Variants in CMTM8 observed in about 807,000 individuals in gnomAD.
The protein encoded by CMTM8 is CKLF-like MARVEL transmembrane domain-containing protein 8.
Under a neutral mutation model 18.6 loss-of-function variants are expected in CMTM8, and 12 were observed. That is an observed-to-expected ratio of 0.65 (90% CI 0.41 to 1.05). CMTM8 has a LOEUF of 1.05. Among genes scored for constraint, CMTM8 ranks in the 50% least tolerant of loss-of-function variants. CMTM8 has a pLI of 0.00. For missense variants in CMTM8, 217 were observed against 227.2 expected (o/e 0.95, Z 0.29); for synonymous variants, 87 against 90.6 (o/e 0.96, Z 0.23).
chr3:32,317,954 C>T (rs1695961886), intron 1 of CMTM8, among the ~76,000 whole-genome samples: 1 of 149,742 alleles, frequency 6.7e-6, no homozygotes, highest in Non-Finnish European at 1.5e-5. Context: ...ACTTGGGAGG[C>T]TGGGTCAGGA....
chr3:32,244,424 A>G (rs879755010), intron 1 of CMTM8, among the ~76,000 whole-genome samples: 2 of 152,064 alleles, frequency 1.3e-5, no homozygotes, highest in Non-Finnish European at 2.9e-5. Flanking sequence ...GGCCTCAAGC[A>G]GTTCTCCTCC....
At chr3:32,324,615 G>T (rs1476786812) in intron 1 of CMTM8, among the ~76,000 whole-genome samples, 1 of 152,174 alleles carries the variant, frequency 6.6e-6, no homozygotes, top group African/African-American at 2.4e-5. Context: ...AATTATTACT[G>T]TTAAACTTGT....
chr3:32,328,225 A>C (rs990165121), intron 1 of CMTM8, among the ~76,000 whole-genome samples: 1 of 151,964 alleles, frequency 6.6e-6, no homozygotes, highest in African/African-American at 2.4e-5. Context: ...AAAATACAAA[A>C]AATTAGCCAG....
chr3:32,291,727 C>G (rs1702782035), intron 1 of CMTM8, among the ~76,000 whole-genome samples: 1 of 152,160 alleles, frequency 6.6e-6, no homozygotes, highest in South Asian at 2.1e-4. Context: ...TTTGAATTGC[C>G]TTTTTCCCAC....
intron 1 of CMTM8, among the ~76,000 whole-genome samples, chr3:32,274,231 G>A (rs576510599): frequency 6.6e-6 from 1 of 151,744 alleles, no homozygotes; most frequent in South Asian, 2.1e-4. Flanking sequence ...GATTGCTTGA[G>A]CCCAGGAGGT....
intron 1 of CMTM8, among the ~76,000 whole-genome samples, chr3:32,310,592 C>T (rs1325564224): frequency 6.6e-6 from 1 of 152,176 alleles, no homozygotes; most frequent in African/African-American, 2.4e-5. Flanking sequence ...CTCAACACAG[C>T]AATCGTGTGT....
At chr3:32,351,950 G>A (rs1559387291) in intron 1 of CMTM8, among the ~76,000 whole-genome samples, 1 of 152,028 alleles carries the variant, frequency 6.6e-6, no homozygotes, top group Non-Finnish European at 1.5e-5. Flanking sequence ...GATGAGGCGA[G>A]CAGATCACTT....
chr3:32,324,515 T>G (rs1696118792), intron 1 of CMTM8, among the ~76,000 whole-genome samples: 1 of 152,250 alleles, frequency 6.6e-6, no homozygotes. Context: ...TGGCTTGTTT[T>G]GGGTACGTCC....
At chr3:32,351,785 G>C (rs1696714753) in intron 1 of CMTM8, among the ~76,000 whole-genome samples, 1 of 151,928 alleles carries the variant, frequency 6.6e-6, no homozygotes, top group African/African-American at 2.4e-5. Flanking sequence ...ATAAAACTGG[G>C]TGGGGAAAAT....
chr3:32,315,964 A>G (rs2125573446), intron 1 of CMTM8, among the ~76,000 whole-genome samples: 1 of 151,738 alleles, frequency 6.6e-6, no homozygotes, highest in South Asian at 2.1e-4. Flanking sequence ...GGAAAGTTAT[A>G]AAAGAAAATT....
chr3:32,256,518 A>G (rs1280821421), intron 1 of CMTM8, among the ~76,000 whole-genome samples: 1 of 152,130 alleles, frequency 6.6e-6, no homozygotes, highest in Non-Finnish European at 1.5e-5. Context: ...GATGTCTTGC[A>G]CTACTACCCA....
intron 1 of CMTM8, among the ~76,000 whole-genome samples, chr3:32,328,177 A>T (rs1696198807): frequency 6.6e-6 from 1 of 152,130 alleles, no homozygotes; most frequent in South Asian, 2.1e-4. Context: ...GTTTGCCAAG[A>T]CTAGCCTGGC....
At chr3:32,298,440 T>TCCCC (rs1559373239) in intron 1 of CMTM8, among the ~76,000 whole-genome samples, 3 of 142,506 alleles carry the variant, frequency 2.1e-5, no homozygotes, top group African/African-American at 7.7e-5. Flanking sequence ...ATACCCCCCT[T>TCCCC]TTTTTTTTTT....
At chr3:32,337,797 T>G (rs1405293036) in intron 1 of CMTM8, among the ~76,000 whole-genome samples, 2 of 151,970 alleles carry the variant, frequency 1.3e-5, no homozygotes, top group Non-Finnish European at 2.9e-5. Context: ...CATTGGAGAA[T>G]CCAAGGCTAC....
chr3:32,296,259 T>C lies in CMTM8; in HGVS notation c.147+57140T>C, dbSNP rs1268183220. Among the ~76,000 whole-genome samples the C allele has an allele frequency of 2.0e-5, 3 of 152,064 alleles. No individual in the cohort carries two copies. The East Asian group carries it at 5.8e-4, about 29-fold the overall frequency. On this transcript the variant is annotated intron_variant, in intron 1 of 3. Transcript: ENST00000307526. ...AAGTGCTGGGATTACAGGCATGAGC[T>C]ACCACACCTGACCCAGACTTCTACA...
intron 1 of CMTM8, chr3:32,259,382 C>G: frequency 2.4e-6 from 2 of 847,940 alleles, no homozygotes; most frequent in Non-Finnish European, 2.0e-6. Context: ...GGACAATGCC[C>G]GCATTGTTCT....
At chr3:32,301,639 C>T (rs1449781094) in intron 1 of CMTM8, among the ~76,000 whole-genome samples, 4 of 151,416 alleles carry the variant, frequency 2.6e-5, no homozygotes, top group South Asian at 2.1e-4. Context: ...ATCCCGGCAT[C>T]GGTGACATTG....
At chr3:32,256,771 TTC>T (rs1254199106) in intron 1 of CMTM8, among the ~76,000 whole-genome samples, 1 of 152,210 alleles carries the variant, frequency 6.6e-6, no homozygotes, top group Non-Finnish European at 1.5e-5. Flanking sequence ...ACAAAGTTCC[TTC>T]TCTCAAGACA....
intron 1 of CMTM8, among the ~76,000 whole-genome samples, chr3:32,326,593 T>C (rs1171439006): frequency 6.7e-6 from 1 of 150,336 alleles, no homozygotes; most frequent in Non-Finnish European, 1.5e-5. Flanking sequence ...CTTGGCTCAC[T>C]GCAACCTCTG....
Sources: allele counts gnomAD v4.1 joint callset (sites outside exome capture counted in the v4.1 genomes callset), GRCh38; gene constraint gnomAD v4.1.1; transcripts MANE v1.5; gene names NCBI Gene and HGNC (gene_info 2026-07-23, HGNC 2026-07-21).